The following KAZN variants were observed in gnomAD, a reference collection of about 807,000 sequenced individuals.
KAZN encodes the protein kazrin, periplakin interacting protein.
KAZN carries 40 observed loss-of-function variants against 87.4 expected under a neutral mutation model. The observed-to-expected ratio is 0.46, with a 90% CI of 0.36 to 0.60. The LOEUF (loss-of-function observed/expected upper bound fraction) is 0.60. Ranked by LOEUF, KAZN falls within the 20% of genes least tolerant of loss-of-function variation. KAZN has a pLI of 0.00. For missense variants in KAZN, 898 were observed against 1,073.9 expected, an observed-to-expected ratio of 0.84 and a Z score of 2.29; for synonymous variants, 466 against 458.3, an observed-to-expected ratio of 1.02 and a Z score of -0.22.
At chr1:14,028,852 T>C (rs6680774) in intron 1 of KAZN, among the ~76,000 whole-genome samples, 108,710 of 151,216 alleles carry the variant, frequency 0.72, 39,216 homozygotes, top group Admixed American at 0.83. Context: ...ATGTGCCACA[T>C]TTTCTTAATC....
intron 2 of KAZN, among the ~76,000 whole-genome samples, chr1:14,489,767 A>AAT (rs1669552234): frequency 6.9e-6 from 1 of 144,092 alleles, no homozygotes; most frequent in Admixed American, 7.1e-5. Flanking sequence ...TAATAATAAT[A>AAT]ATAATGAATA....
intron 2 of KAZN, among the ~76,000 whole-genome samples, chr1:14,236,237 G>A (rs1319875710): frequency 6.6e-6 from 1 of 152,128 alleles, no homozygotes; most frequent in East Asian, 1.9e-4. Context: ...CTTCCCTTTT[G>A]CCTTCATCTG....
chr1:15,039,152 C>T (rs12139386), intron 3 of KAZN, among the ~76,000 whole-genome samples: 33,571 of 152,072 alleles, frequency 0.22, 3,936 homozygotes, highest in Non-Finnish European at 0.26. Context: ...GTGCACCTAC[C>T]GTGCACAGGC....
chr1:14,987,636 C>T (rs1395676171), intron 2 of KAZN, among the ~76,000 whole-genome samples: 1 of 152,150 alleles, frequency 6.6e-6, no homozygotes, highest in Non-Finnish European at 1.5e-5. Flanking sequence ...GTTGGGGACC[C>T]AGAAGCCATT....
chr1:14,399,847 G>A (rs1375469537), intron 2 of KAZN, among the ~76,000 whole-genome samples: 1 of 152,062 alleles, frequency 6.6e-6, no homozygotes, highest in Non-Finnish European at 1.5e-5. Flanking sequence ...TTTTGCTAGT[G>A]ACTCTCTCCT....
intron 1 of KAZN, among the ~76,000 whole-genome samples, chr1:14,656,700 G>A (rs1638813666): frequency 6.6e-6 from 1 of 152,216 alleles, no homozygotes; most frequent in African/African-American, 2.4e-5. Flanking sequence ...AGAGAGCCAA[G>A]GGGACGGCGC....
At chr1:14,594,185 G>C (rs2486776), upstream of KAZN, among the ~76,000 whole-genome samples, 1 of 152,120 alleles carries the variant, frequency 6.6e-6, no homozygotes, top group South Asian at 2.1e-4. Flanking sequence ...TACTCATTGC[G>C]CCCTCTTTTG....
rs539986955 is a variant in KAZN at position 14,583,965 on chromosome 1, G to T, written c.250-15018G>T. Among the ~76,000 whole-genome samples the T allele has an allele frequency of 3.3e-5, 5 of 152,258 alleles. No homozygotes were observed. In the East Asian group the frequency reaches 9.7e-4, roughly 29 times the overall value. On this transcript the variant is annotated intron_variant, in intron 2 of 16. Coordinates refer to the KAZN transcript ENST00000636203. ...TGTCTGATTAATAGTCTGAATGAGTGGCCTAGATCATCATCTCCAAGTCCC... is the reference window on the plus strand; with the variant it reads ...TGTCTGATTAATAGTCTGAATGAGTTGCCTAGATCATCATCTCCAAGTCCC...
At chr1:14,419,771 T>C (rs1165641071) in intron 2 of KAZN, among the ~76,000 whole-genome samples, 1 of 151,932 alleles carries the variant, frequency 6.6e-6, no homozygotes, top group Non-Finnish European at 1.5e-5. Context: ...TGGTGTTGTT[T>C]GTCCCTCCCA....
At chr1:14,303,960 C>T (rs77796645) in intron 2 of KAZN, among the ~76,000 whole-genome samples, 2 of 152,312 alleles carry the variant, frequency 1.3e-5, no homozygotes, top group East Asian at 1.9e-4. Context: ...CAATAAACAA[C>T]CCTTCCTCCA....
chr1:14,123,911 C>T (rs918520211), intron 1 of KAZN, among the ~76,000 whole-genome samples: 3 of 152,290 alleles, frequency 2.0e-5, no homozygotes, highest in Middle Eastern at 3.4e-3. Context: ...CACCAGCTCC[C>T]AAGTGGCCCA....
intron 3 of KAZN, among the ~76,000 whole-genome samples, chr1:15,037,440 C>T (rs1380792480): frequency 1.3e-5 from 2 of 152,078 alleles, no homozygotes; most frequent in African/African-American, 2.4e-5. Flanking sequence ...GGGGGTGGCT[C>T]GGGCAAACAG....
At chr1:14,613,434 A>T (rs1677973989) in intron 1 of KAZN, among the ~76,000 whole-genome samples, 1 of 152,198 alleles carries the variant, frequency 6.6e-6, no homozygotes, top group South Asian at 2.1e-4. Flanking sequence ...CCATACCACA[A>T]GTTAACATCT....
At chr1:14,844,121 G>A (rs1359807730) in intron 1 of KAZN, among the ~76,000 whole-genome samples, 2 of 152,110 alleles carry the variant, frequency 1.3e-5, no homozygotes, top group Non-Finnish European at 2.9e-5. Context: ...GCCACCCTTT[G>A]ACATCTAGTC....
chr1:14,466,310 T>C (rs1668124430), intron 2 of KAZN, among the ~76,000 whole-genome samples: 1 of 148,480 alleles, frequency 6.7e-6, no homozygotes, highest in East Asian at 2.0e-4. Flanking sequence ...TATAAGGAAT[T>C]GAACTTCAAG....
rs1410147605 is a variant in KAZN, at chr1:14,376,470, C to G, written c.249+195878C>G. Among the ~76,000 whole-genome samples the G allele has an allele frequency of 3.9e-5, 6 of 152,144 alleles. 1 individual carries two copies. The highest frequency in any genetic ancestry group is 3.9e-4 in the Admixed American group (6 of 15,276). On this transcript the variant is annotated intron_variant, in intron 2 of 16. Transcript: ENST00000636203. Reference sequence around the variant, plus strand: ...AAGGATGAGTTCAGCCTTTCCTTCTCAATCTCACTCTCTCTTGCTCTTCTA... The same window carrying G: ...AAGGATGAGTTCAGCCTTTCCTTCTGAATCTCACTCTCTCTTGCTCTTCTA...
chr1:14,054,251 A>G (rs1261996122), intron 1 of KAZN, among the ~76,000 whole-genome samples: 3 of 152,194 alleles, frequency 2.0e-5, no homozygotes, highest in African/African-American at 7.2e-5. Context: ...TGGGCTCATT[A>G]TTACATACTT....
intron 2 of KAZN, among the ~76,000 whole-genome samples, chr1:14,397,164 A>T (rs535935806): frequency 6.6e-6 from 1 of 152,232 alleles, no homozygotes; most frequent in African/African-American, 2.4e-5. Context: ...TTCCTCCCAT[A>T]CAGGTGATGT....
chr1:14,426,935 C>A (rs1665765218), intron 2 of KAZN, among the ~76,000 whole-genome samples: 4 of 152,188 alleles, frequency 2.6e-5, no homozygotes, highest in Admixed American at 2.6e-4. Context: ...ACTCACCCAG[C>A]AATTGTGAAC....
Sources: gnomAD v4.1 joint callset for allele counts (sites outside exome capture counted in the v4.1 genomes callset) on GRCh38, gnomAD v4.1.1 for gene constraint, MANE v1.5 for transcripts, NCBI Gene and HGNC (gene_info 2026-07-23, HGNC 2026-07-21) for gene names.